Variants in UNC13A observed in about 807,000 individuals in gnomAD.
UNC13A encodes unc-13 homolog A.
UNC13A carries 61 observed loss-of-function variants against 219.7 expected under a neutral mutation model. The observed-to-expected ratio is 0.28, with a 90% CI of 0.23 to 0.34. The LOEUF is 0.34. Among genes scored for constraint, UNC13A ranks in the 10% least tolerant of loss-of-function variants. The pLI, the probability that UNC13A is intolerant of heterozygous loss-of-function variation, is 1.00. For missense variants in UNC13A, 1,476 were observed against 2,270.3 expected (o/e 0.65, Z 7.11); for synonymous variants, 920 against 884.6 (o/e 1.04, Z -0.71).
chr19:17,683,407 G>A (rs1568277219), intron 1 of UNC13A, among the ~76,000 whole-genome samples: 1 of 152,062 alleles, frequency 6.6e-6, no homozygotes, highest in Admixed American at 6.6e-5. Context: ...CGAGGCAAGA[G>A]GATCACTTGA....
At chr19:17,670,869 A>G (rs1426665308) in intron 4 of UNC13A, among the ~76,000 whole-genome samples, 1 of 151,814 alleles carries the variant, frequency 6.6e-6, no homozygotes, top group Admixed American at 6.6e-5. Context: ...GTGCCATTGC[A>G]CTCCAGCCTG....
chr19:17,646,397 G>A (rs568656384), intron 17 of UNC13A, among the ~76,000 whole-genome samples: 20 of 151,986 alleles, frequency 1.3e-4, no homozygotes, highest in Non-Finnish European at 2.4e-4. Flanking sequence ...GGGATTACCC[G>A]CACGTGCCAC....
chr19:17,618,754 A>T (rs1383389760), intron 39 of UNC13A, among the ~76,000 whole-genome samples, 152 bp downstream of exon 39: 1 of 152,108 alleles, frequency 6.6e-6, no homozygotes, highest in African/African-American at 2.4e-5. Flanking sequence ...TGGGGAGCAA[A>T]TATCTTGTGC....
chr19:17,675,986 A>T (rs2079890996), intron 2 of UNC13A, 26 bp downstream of exon 2: 3 of 1,551,110 alleles, frequency 1.9e-6, no homozygotes, highest in Non-Finnish European at 2.6e-6. Context: ...ACAACACGGG[A>T]CAGGACAGCA....
chr19:17,680,879 C>CTTTTTTTTTT (rs2079996579), intron 1 of UNC13A, among the ~76,000 whole-genome samples: 3 of 80,188 alleles, frequency 3.7e-5, no homozygotes, highest in Admixed American at 1.3e-4. Context: ...CTTTTTTTTT[C>CTTTTTTTTTT]TTTTCTTTTC....
rs761621604 is a variant in UNC13A at position 17,642,829 on chromosome 19, G to A, written c.2472+16C>T. 1.1e-5 allele frequency: 18 copies of A among 1,590,810 alleles called. No homozygotes were observed. Among genetic ancestry groups the A allele is most frequent in the African/African-American group, 8.0e-5 (6 of 74,548 alleles). The stretch of plus-strand genomic sequence containing the variant: ...GAGTGGAAGTGGCATGGGAGGGGCC[G>A]AGCAATGACCCTCACCTCATGCAGA... On this transcript the variant is annotated intron_variant, in intron 20 of 43. Transcript: ENST00000519716.
intron 2 of UNC13A, among the ~76,000 whole-genome samples, chr19:17,675,371 C>A (rs1478153138): frequency 6.6e-6 from 1 of 151,694 alleles, no homozygotes; most frequent in Non-Finnish European, 1.5e-5. Flanking sequence ...GTAGCTCACG[C>A]CTGCAATCCT....
chr19:17,632,383 C>T (rs2076865696), intron 28 of UNC13A, among the ~76,000 whole-genome samples: 1 of 152,144 alleles, frequency 6.6e-6, no homozygotes, highest in South Asian at 2.1e-4. Flanking sequence ...ACTATCTTTT[C>T]CAGGCTGGTC....
intron 3 of UNC13A, among the ~76,000 whole-genome samples, chr19:17,672,726 G>T (rs866877145): frequency 1.3e-5 from 2 of 152,088 alleles, no homozygotes; most frequent in Admixed American, 1.3e-4. Context: ...ATTCAAAGCC[G>T]GGAAGGATGG....
intron 8 of UNC13A, among the ~76,000 whole-genome samples, chr19:17,659,285 A>G (rs1464882803): frequency 1.3e-5 from 2 of 151,586 alleles, no homozygotes; most frequent in African/African-American, 4.9e-5. Flanking sequence ...TCTACTAAAA[A>G]TACAAAAATT....
intron 19 of UNC13A, among the ~76,000 whole-genome samples, chr19:17,644,370 T>G (rs1368593774): frequency 6.6e-6 from 1 of 150,824 alleles, no homozygotes; most frequent in East Asian, 1.9e-4. Flanking sequence ...TTTTTTTTAA[T>G]GGAGACAAAG....
intron 26 of UNC13A, among the ~76,000 whole-genome samples, chr19:17,634,297 CACCCATCCATTT>C (rs2076889452): frequency 6.6e-6 from 1 of 152,158 alleles, no homozygotes. Context: ...TGCAGCTATC[CACCCATCCATTT>C]ACCCATCCAT....
intron 43 of UNC13A, 114 bp downstream of exon 43, chr19:17,609,826 C>T (rs1315694379): frequency 4.1e-6 from 6 of 1,449,846 alleles, no homozygotes; most frequent in East Asian, 4.6e-5. Context: ...AGAATGTGGC[C>T]CCTCCCATTC....
At chr19:17,635,123 C>G (rs1480864025) in intron 26 of UNC13A, among the ~76,000 whole-genome samples, 2 of 152,172 alleles carry the variant, frequency 1.3e-5, no homozygotes, top group Non-Finnish European at 2.9e-5. Context: ...GCCTCGGCCT[C>G]CCAAAGTGCT....
At position 17,652,624 on chromosome 19, in the gene UNC13A, T is replaced by C; in HGVS notation, c.1439+7A>G. 6.2e-7 allele frequency: 1 copy of C among 1,613,828 alleles called. No homozygotes were observed. Reference sequence around the variant, plus strand: ...TTCCTCCCACCGCTCACAGTTTCATTACTTACCCGCCTTTGAACCATAGGG... The same window carrying C: ...TTCCTCCCACCGCTCACAGTTTCATCACTTACCCGCCTTTGAACCATAGGG... On this transcript the variant is annotated splice_region_variant and intron_variant, in intron 12 of 43. Transcript: ENST00000519716.
chr19:17,627,444 C>T lies in UNC13A; in HGVS notation c.3920+65G>A. 7.8e-7 allele frequency: 1 copy of T among 1,280,050 alleles called. No homozygotes were observed. The highest frequency in any genetic ancestry group is 1.1e-6 in the Non-Finnish European group (1 of 903,574). 79.3% of individuals were successfully genotyped at this position (1,280,050 alleles called of 1,614,324 possible). A position where few individuals can be genotyped will look rare whatever the true frequency, so the allele number is the denominator to read the frequency against. ...TCTACATCTGCTGAGCCTCCAGATGCCCCAGGCTTAGAGGGCTGAAGGCTG... is the reference window on the plus strand; with the variant it reads ...TCTACATCTGCTGAGCCTCCAGATGTCCCAGGCTTAGAGGGCTGAAGGCTG... On this transcript the variant is annotated intron_variant, in intron 33 of 43. Coordinates refer to ENST00000519716, the MANE Select transcript of UNC13A (RefSeq NM_001080421.3). The surrounding 1 kb of genome is among the most constrained non-coding windows in gnomAD (Gnocchi z 4.7).
chr19:17,663,521 T>C lies in UNC13A; in HGVS notation c.559+11A>G, dbSNP rs1270136961. 3 of 1,612,736 alleles carry C rather than the reference T, an allele frequency of 1.9e-6. No individual in the cohort carries two copies. Among genetic ancestry groups the C allele is most frequent in the South Asian group, 2.2e-5 (2 of 90,622 alleles). On this transcript the variant is annotated intron_variant, in intron 8 of 43. Coordinates refer to ENST00000519716, the MANE Select transcript of UNC13A (RefSeq NM_001080421.3). ...GTAACTCCCAGAACATCAATCAGGC[T>C]GAGTACTTACTGTGCTGCTCACCCC...
chr19:17,630,434 C>A (rs973015417), intron 29 of UNC13A, 146 bp from the exon 30 acceptor site: 2 of 1,394,184 alleles, frequency 1.4e-6, no homozygotes, highest in African/African-American at 2.9e-5. Context: ...TTAGAGTCAA[C>A]TCTAGAGGTG....
intron 1 of UNC13A, among the ~76,000 whole-genome samples, chr19:17,687,867 C>G (rs112287058): frequency 4.5e-4 from 69 of 152,278 alleles, no homozygotes; most frequent in African/African-American, 1.4e-3. Flanking sequence ...CTGGTCTACA[C>G]AGACGCCCCA....
Sources: gnomAD v4.1 joint callset for allele counts (sites outside exome capture counted in the v4.1 genomes callset) on GRCh38, gnomAD v4.1.1 for gene constraint, Gnocchi (gnomAD v3.1) non-coding constraint, MANE v1.5 for transcripts, NCBI Gene and HGNC (gene_info 2026-07-23, HGNC 2026-07-21) for gene names.